CDK6: variants seen among roughly 807,000 people sequenced by gnomAD.
The protein encoded by CDK6 is cyclin-dependent kinase 6.
Under a neutral mutation model 37.1 loss-of-function variants are expected in CDK6, and 6 were observed. The ratio of observed to expected loss-of-function variants is 0.16; its 90% CI spans 0.09 to 0.32. The LOEUF is 0.32. Ranked by LOEUF, CDK6 falls within the 10% of genes least tolerant of loss-of-function variation. CDK6 has a pLI of 1.00. For synonymous variants in CDK6, 160 were observed against 161.3 expected (o/e 0.99, Z 0.06); for missense variants, 224 against 418.9 (o/e 0.53, Z 4.06).
intron 5 of CDK6, among the ~76,000 whole-genome samples, chr7:92,664,424 C>A (rs1487949947): frequency 6.6e-6 from 1 of 152,114 alleles, no homozygotes; most frequent in Non-Finnish European, 1.5e-5. Flanking sequence ...TGGGGAGGCA[C>A]CAACACAGTA....
At chr7:92,631,304 C>T (rs1796045651) in intron 5 of CDK6, among the ~76,000 whole-genome samples, 1 of 151,888 alleles carries the variant, frequency 6.6e-6, no homozygotes, top group Admixed American at 6.6e-5. Flanking sequence ...GGTTGGTCAC[C>T]CTATCCAGGA....
At chr7:92,794,754 T>C (rs926914621) in intron 2 of CDK6, among the ~76,000 whole-genome samples, 1 of 152,124 alleles carries the variant, frequency 6.6e-6, no homozygotes, top group Admixed American at 6.6e-5. Context: ...GGATATATAA[T>C]ATGAATTAAG....
chr7:92,646,970 G>A (rs1244683824), intron 5 of CDK6, among the ~76,000 whole-genome samples: 2 of 152,114 alleles, frequency 1.3e-5, no homozygotes, highest in Non-Finnish European at 2.9e-5. Flanking sequence ...CTCTACTGAA[G>A]AAAAATCTTG....
rs192843536 is a variant in CDK6 at position 92,821,005 on chromosome 7, T to C, written c.233+12086A>G. On this transcript the variant is annotated intron_variant, in intron 2 of 7. Transcript: ENST00000424848. ...TGGGGGGGTGGAAATTCTTTAACAT[T>C]CCTTCCATTAAGAGGTGGTGTATGT... is the stretch of plus-strand genomic sequence containing the variant. Among the ~76,000 whole-genome samples, 315 of 152,152 alleles carry C rather than the reference T, an allele frequency of 2.1e-3. 2 individuals are homozygous for C. The highest frequency in any genetic ancestry group is 7.3e-3 in the African/African-American group (304 of 41,518).
At chr7:92,761,928 C>T (rs78076597) in intron 3 of CDK6, among the ~76,000 whole-genome samples, 1,641 of 152,242 alleles carry the variant, frequency 0.011, 35 homozygotes, top group African/African-American at 0.038. Flanking sequence ...TAGGATTTTG[C>T]AGCAAAGATA....
intron 4 of CDK6, among the ~76,000 whole-genome samples, chr7:92,694,642 T>C (rs531673899): frequency 4.1e-4 from 62 of 152,334 alleles, no homozygotes; most frequent in African/African-American, 1.4e-3. Context: ...AACAATCATG[T>C]CTGCATGTCA....
At chr7:92,788,989 G>A (rs1320807802) in intron 2 of CDK6, among the ~76,000 whole-genome samples, 1 of 151,944 alleles carries the variant, frequency 6.6e-6, no homozygotes, top group African/African-American at 2.4e-5. Flanking sequence ...AACTGGTCGT[G>A]GTGGCACATG....
Position 92,610,785 on chromosome 7 carries a change from C to T in CDK6, c.*4355G>A, listed in dbSNP as rs1481143147. ...CTTCCTAATTATATACCCAAATATA[C>T]TTAATGGACATGATAAATGGTTTTG... On this transcript the variant is annotated 3_prime_UTR_variant, in exon 8 of 8. Transcript: ENST00000424848. The T allele has an allele frequency of 4.4e-6, 1 of 227,806 alleles. No homozygotes were observed. The highest frequency in any genetic ancestry group is 2.2e-5 in the African/African-American group (1 of 45,080). 14.1% of individuals were successfully genotyped at this position (227,806 alleles called of 1,614,324 possible).
intron 3 of CDK6, among the ~76,000 whole-genome samples, chr7:92,750,597 CT>C (rs1799166195): frequency 6.6e-6 from 1 of 152,086 alleles, no homozygotes; most frequent in Admixed American, 6.5e-5. Context: ...GTGATAAAAC[CT>C]TATTGTAACA....
At chr7:92,741,192 T>C (rs937721758) in intron 3 of CDK6, among the ~76,000 whole-genome samples, 13 of 152,116 alleles carry the variant, frequency 8.5e-5, no homozygotes, top group African/African-American at 3.1e-4. Flanking sequence ...ACTAGATAAA[T>C]CGACAGAGAA....
intron 4 of CDK6, among the ~76,000 whole-genome samples, chr7:92,690,662 C>A (rs1797580714): frequency 6.6e-6 from 1 of 152,094 alleles, no homozygotes; most frequent in Non-Finnish European, 1.5e-5. Context: ...ATTAGTGATC[C>A]TTGGAAAACG....
chr7:92,726,443 C>T (rs761709688), intron 3 of CDK6, among the ~76,000 whole-genome samples: 14 of 152,092 alleles, frequency 9.2e-5, no homozygotes, highest in Admixed American at 2.0e-4. Flanking sequence ...CAGGATCTTG[C>T]TCTGTTGCCC....
chr7:92,710,750 A>G (rs2116679597), intron 4 of CDK6: 1 of 985,344 alleles, frequency 1.0e-6, no homozygotes, highest in African/African-American at 1.7e-5. Flanking sequence ...ATCTGTTTCT[A>G]CTGCCATGGA....
At chr7:92,715,099 C>A (rs1264260045) in intron 4 of CDK6, among the ~76,000 whole-genome samples, 2 of 152,032 alleles carry the variant, frequency 1.3e-5, no homozygotes, top group Admixed American at 6.6e-5. Context: ...TGAAATATGC[C>A]AGCCATGTAT....
intron 5 of CDK6, among the ~76,000 whole-genome samples, chr7:92,632,290 C>G (rs1796071002): frequency 6.6e-6 from 1 of 152,092 alleles, no homozygotes; most frequent in South Asian, 2.1e-4. Flanking sequence ...ATGGAAGTGT[C>G]TGTTGGCTGA....
intron 4 of CDK6, among the ~76,000 whole-genome samples, chr7:92,709,628 TTAA>T (rs1281931635): frequency 6.6e-6 from 1 of 152,164 alleles, no homozygotes. Flanking sequence ...TATGAATATA[TTAA>T]TAACAAACAT....
At chr7:92,632,327 A>G (rs1430450571) in intron 5 of CDK6, among the ~76,000 whole-genome samples, 2 of 152,212 alleles carry the variant, frequency 1.3e-5, no homozygotes, top group African/African-American at 4.8e-5. Flanking sequence ...AGAAAAAAAG[A>G]AGCTTTGCTC....
At chr7:92,759,654 A>G in intron 3 of CDK6, among the ~76,000 whole-genome samples, 1 of 148,880 alleles carries the variant, frequency 6.7e-6, no homozygotes. Context: ...TCACCTTCAT[A>G]CTTTCAAAAG....
At chr7:92,638,296 T>C (rs887733360) in intron 5 of CDK6, among the ~76,000 whole-genome samples, 2 of 152,242 alleles carry the variant, frequency 1.3e-5, no homozygotes, top group African/African-American at 4.8e-5. Context: ...AAGGCCTTGA[T>C]ACCAGGGAGG....
Sources: gnomAD v4.1 joint callset for allele counts (sites outside exome capture counted in the v4.1 genomes callset) on GRCh38, gnomAD v4.1.1 for gene constraint, MANE v1.5 for transcripts, NCBI Gene and HGNC (gene_info 2026-07-23, HGNC 2026-07-21) for gene names.